SYT1: variants seen among roughly 807,000 people sequenced by gnomAD.
The protein encoded by SYT1 is synaptotagmin-1.
SYT1 carries 8 observed loss-of-function variants against 44.8 expected under a neutral mutation model. That is an observed-to-expected ratio of 0.18 (90% confidence interval 0.10 to 0.32). The LOEUF is 0.32. Among genes scored for constraint, SYT1 ranks in the 10% least tolerant of loss-of-function variants. The pLI, the probability that SYT1 is intolerant of heterozygous loss-of-function variation, is 1.00. For missense variants in SYT1, 286 were observed against 509.3 expected, an observed-to-expected ratio of 0.56 and a Z score of 4.22; for synonymous variants, 154 against 188.8, an observed-to-expected ratio of 0.82 and a Z score of 1.51.
At chr12:79,004,603 A>G (rs759670254) in intron 2 of SYT1, among the ~76,000 whole-genome samples, 1 of 152,006 alleles carries the variant, frequency 6.6e-6, no homozygotes, top group African/African-American at 2.4e-5. Flanking sequence ...TGGATATTTT[A>G]TTAGTACAGT....
At chr12:79,203,034 G>A (rs898444353) in intron 3 of SYT1, among the ~76,000 whole-genome samples, 1 of 152,016 alleles carries the variant, frequency 6.6e-6, no homozygotes, top group Non-Finnish European at 1.5e-5. Context: ...TGTAGGTAAA[G>A]AGTATTAGCA....
chr12:79,041,213 G>A (rs924941452), intron 2 of SYT1, among the ~76,000 whole-genome samples: 7 of 152,124 alleles, frequency 4.6e-5, no homozygotes, highest in African/African-American at 1.2e-4. Context: ...ATTACCTTGG[G>A]CAGTATGGCC....
intron 4 of SYT1, among the ~76,000 whole-genome samples, chr12:79,276,098 C>A (rs1033194781): frequency 6.6e-6 from 1 of 151,860 alleles, no homozygotes; most frequent in African/African-American, 2.4e-5. Context: ...GAAGAAATAT[C>A]CCCAGATGAG....
At chr12:78,911,497 T>G (rs1437154584) in intron 1 of SYT1, among the ~76,000 whole-genome samples, 1 of 144,978 alleles carries the variant, frequency 6.9e-6, no homozygotes, top group South Asian at 2.2e-4. Context: ...GAGGAAAGAC[T>G]AAAATAAGGC....
chr12:79,309,975 A>T (rs1356253954), intron 8 of SYT1, among the ~76,000 whole-genome samples: 1 of 151,892 alleles, frequency 6.6e-6, no homozygotes, highest in Admixed American at 6.6e-5. Flanking sequence ...TTGCCTGTTC[A>T]CTCTGATGGT....
chr12:78,931,776 A>C (rs1877768161), intron 1 of SYT1, among the ~76,000 whole-genome samples: 1 of 152,174 alleles, frequency 6.6e-6, no homozygotes. Flanking sequence ...CCTCTGGAGA[A>C]GAGAGAAGCC....
intron 1 of SYT1, among the ~76,000 whole-genome samples, chr12:78,888,969 C>A (rs992095601): frequency 1.3e-5 from 2 of 151,866 alleles, no homozygotes; most frequent in African/African-American, 4.8e-5. Flanking sequence ...TAGATTAATA[C>A]CTAAGGCCAA....
chr12:79,283,006 A>T (rs1054734566), intron 4 of SYT1, among the ~76,000 whole-genome samples: 11 of 152,148 alleles, frequency 7.2e-5, no homozygotes, highest in African/African-American at 2.7e-4. Context: ...TTTCTTAGTA[A>T]ACTTGCCAAA....
At chr12:78,925,916 C>A (rs1226181385) in intron 1 of SYT1, among the ~76,000 whole-genome samples, 1 of 151,992 alleles carries the variant, frequency 6.6e-6, no homozygotes, top group African/African-American at 2.4e-5. Context: ...AATCACGAAA[C>A]AAACTATTGT....
At chr12:78,982,766 C>T (rs964296846) in intron 2 of SYT1, among the ~76,000 whole-genome samples, 1 of 152,150 alleles carries the variant, frequency 6.6e-6, no homozygotes, top group African/African-American at 2.4e-5. Context: ...GTTATACTCA[C>T]ATATAAACTT....
intron 1 of SYT1, among the ~76,000 whole-genome samples, chr12:78,898,819 A>G (rs1228078396): frequency 1.3e-5 from 2 of 152,152 alleles, no homozygotes; most frequent in African/African-American, 2.4e-5. Context: ...TATATTTTTA[A>G]TATAAAAGAA....
chr12:79,136,274 G>A (rs543076392), intron 3 of SYT1, among the ~76,000 whole-genome samples: 3 of 152,240 alleles, frequency 2.0e-5, no homozygotes, highest in South Asian at 4.1e-4. Context: ...AAATCTCACA[G>A]TAGTATTATG....
At chr12:79,447,198 A>C (rs778921572) in intron 10 of SYT1, among the ~76,000 whole-genome samples, 3 of 151,880 alleles carry the variant, frequency 2.0e-5, no homozygotes, top group Non-Finnish European at 2.9e-5. Flanking sequence ...CTGCTCCTTG[A>C]GTCACTTTGT....
intron 3 of SYT1, among the ~76,000 whole-genome samples, chr12:79,213,396 A>G (rs1020440650): frequency 6.6e-6 from 1 of 152,210 alleles, no homozygotes; most frequent in Non-Finnish European, 1.5e-5. Flanking sequence ...TCCCAACTCC[A>G]TTAATTACTA....
At chr12:79,405,572 C>T (rs1030337100) in intron 9 of SYT1, among the ~76,000 whole-genome samples, 1 of 152,084 alleles carries the variant, frequency 6.6e-6, no homozygotes, top group African/African-American at 2.4e-5. Flanking sequence ...GACCCCTGCC[C>T]TCAAGGCTTC....
intron 3 of SYT1, among the ~76,000 whole-genome samples, chr12:79,187,910 C>G (rs1459435648): frequency 6.6e-6 from 1 of 152,112 alleles, no homozygotes; most frequent in African/African-American, 2.4e-5. Context: ...TGTTTCCTTC[C>G]TCCCAATTCT....
intron 3 of SYT1, among the ~76,000 whole-genome samples, chr12:79,206,061 A>C (rs1778624547): frequency 6.6e-6 from 1 of 152,194 alleles, no homozygotes; most frequent in Non-Finnish European, 1.5e-5. Context: ...GGTTTCATAT[A>C]ATTTGAATTT....
At position 79,451,255 on chromosome 12, in the gene SYT1, T is replaced by C. The variant is rs1871042638; in HGVS notation, c.*2131T>C. On this transcript the variant is annotated 3_prime_UTR_variant, in exon 11 of 11. Transcript: ENST00000261205. ...TAAAAGGAAAATAACCGTCTGCCGA[T>C]GGTCCGTACTTCTTAAAAAACATAG... 1 of 152,214 alleles carries C rather than the reference T, an allele frequency of 6.6e-6. No homozygotes were observed. The highest frequency in any genetic ancestry group is 2.1e-4 in the South Asian group (1 of 4,836). The allele number at this position is 152,214 out of a possible 1,614,324, so 9.4% of individuals were successfully genotyped here.
At chr12:79,179,526 G>GAT (rs1565842499) in intron 3 of SYT1, among the ~76,000 whole-genome samples, 39 of 14,522 alleles carry the variant, frequency 2.7e-3, no homozygotes, top group Non-Finnish European at 4.4e-3. Flanking sequence ...TATCTATATA[G>GAT]ATATAGATAT....
Sources: allele counts gnomAD v4.1 joint callset (sites outside exome capture counted in the v4.1 genomes callset), GRCh38; gene constraint gnomAD v4.1.1; transcripts MANE v1.5; gene names NCBI Gene and HGNC (gene_info 2026-07-23, HGNC 2026-07-21).